Variants in HYDIN observed in about 807,000 individuals in gnomAD.
HYDIN encodes axonemal central pair apparatus protein HYDIN.
A neutral mutation model predicts 403.9 loss-of-function variants in HYDIN; 132 were observed. The observed-to-expected ratio is 0.33, with a 90% CI of 0.28 to 0.38. The LOEUF (loss-of-function observed/expected upper bound fraction) is 0.38, where lower values mean the gene tolerates loss of function less well. Ranked by LOEUF, HYDIN falls within the 10% of genes least tolerant of loss-of-function variation. The probability of loss-of-function intolerance (pLI) is 1.00; values close to 1 mark genes in which losing one functional copy is unlikely to be tolerated. For missense variants in HYDIN, 2,827 were observed against 5,009.5 expected (o/e 0.56, Z 13.15); for synonymous variants, 1,202 against 1,891.7 (o/e 0.64, Z 9.46).
intron 18 of HYDIN, among the ~76,000 whole-genome samples, chr16:71,060,277 C>T (rs1273901923): frequency 6.6e-6 from 1 of 152,096 alleles, no homozygotes; most frequent in African/African-American, 2.4e-5. Flanking sequence ...TAATAGACAT[C>T]CCTTGAGCTA....
intron 6 of HYDIN, among the ~76,000 whole-genome samples, chr16:71,161,666 A>C (rs2086006730): frequency 6.6e-6 from 1 of 151,980 alleles, no homozygotes; most frequent in Non-Finnish European, 1.5e-5. Context: ...TGTTGGTTAC[A>C]CTGGGCTCAT....
At position 71,118,030 on chromosome 16, in the gene HYDIN, G is replaced by A. The variant is rs548749432; in HGVS notation, c.1228-2235C>T. On this transcript the variant is annotated intron_variant, in intron 9 of 85. Coordinates refer to ENST00000393567, the MANE Select transcript of HYDIN (RefSeq NM_001270974.2). Reference sequence around the variant, plus strand: ...CCTTATGCTGTCACCTCAAAAGTTAGAAACGTGGTGCCTCCACCAAGGAAG... The same window carrying A: ...CCTTATGCTGTCACCTCAAAAGTTAAAAACGTGGTGCCTCCACCAAGGAAG... Among the ~76,000 whole-genome samples the A allele has an allele frequency of 4.5e-4, 69 of 152,176 alleles. No homozygotes were observed. In the South Asian group the frequency reaches 5.6e-3, roughly 12 times the overall value.
intron 10 of HYDIN, among the ~76,000 whole-genome samples, chr16:71,110,544 A>T (rs1406760356): frequency 1.4e-5 from 2 of 146,878 alleles, no homozygotes; most frequent in East Asian, 3.9e-4. Context: ...GCAAAACTAT[A>T]CTATTTTGCT....
chr16:70,860,654 T>C, intron 70 of HYDIN, 35 bp downstream of exon 70: 1 of 508,708 alleles, frequency 2.0e-6, no homozygotes, highest in South Asian at 2.2e-5. Context: ...TTAGGACCGA[T>C]GTGAATTCAA....
At chr16:70,920,563 C>T (rs1324682426) in intron 46 of HYDIN, 28 bp downstream of exon 46, 1 of 1,558,902 alleles carries the variant, frequency 6.4e-7, no homozygotes, top group East Asian at 2.3e-5. Context: ...TGACTTGAGA[C>T]TTCCCCACCC....
At chr16:70,855,944 T>C (rs1402463803) in intron 72 of HYDIN, among the ~76,000 whole-genome samples, 4 of 152,302 alleles carry the variant, frequency 2.6e-5, no homozygotes, top group African/African-American at 9.6e-5. Flanking sequence ...TTATGCATCC[T>C]GTATTTTATC....
At chr16:71,078,227 A>T (rs376452061) in intron 13 of HYDIN, among the ~76,000 whole-genome samples, 1 of 149,166 alleles carries the variant, frequency 6.7e-6, no homozygotes, top group Admixed American at 6.7e-5. Context: ...TTTCTTCACC[A>T]TTTGGTAGAA....
At chr16:70,953,004 T>C (rs783742) in intron 40 of HYDIN, among the ~76,000 whole-genome samples, 2 of 151,954 alleles carry the variant, frequency 1.3e-5, no homozygotes, top group East Asian at 3.9e-4. Context: ...CAGTGGCTAC[T>C]GTATGGCACA....
At chr16:71,110,476 A>AATATATATAATATATATATTTC (rs1555645335) in intron 10 of HYDIN, among the ~76,000 whole-genome samples, 35 of 141,970 alleles carry the variant, frequency 2.5e-4, no homozygotes, top group Non-Finnish European at 4.9e-4. Context: ...AACATATATA[A>AATATATATAATATATATATTTC]ATATATATAA....
chr16:71,183,290 A>G (rs187910687), intron 3 of HYDIN, among the ~76,000 whole-genome samples: 2 of 152,128 alleles, frequency 1.3e-5, no homozygotes, highest in African/African-American at 2.4e-5. Context: ...TGACAATGCA[A>G]TGGAAATGAA....
intron 62 of HYDIN, among the ~76,000 whole-genome samples, chr16:70,877,778 C>A (rs1473336096): frequency 6.6e-6 from 1 of 151,972 alleles, no homozygotes; most frequent in East Asian, 1.9e-4. Context: ...GTTGGGGACC[C>A]CTCTCTTAAA....
At chr16:70,927,886 G>A (rs2077200994) in intron 45 of HYDIN, among the ~76,000 whole-genome samples, 1 of 151,850 alleles carries the variant, frequency 6.6e-6, no homozygotes, top group South Asian at 2.1e-4. Context: ...GAAACATCAA[G>A]GTGAAGTAAA....
At chr16:71,081,039 T>G (rs1440804591) in intron 12 of HYDIN, 1 of 151,390 alleles carries the variant, frequency 6.6e-6, no homozygotes, top group African/African-American at 2.4e-5. Flanking sequence ...CTGCCAACAC[T>G]GATTTTAGCC....
At chr16:71,052,709 G>C (rs977466280) in intron 18 of HYDIN, among the ~76,000 whole-genome samples, 5 of 46,208 alleles carry the variant, frequency 1.1e-4, no homozygotes, top group Non-Finnish European at 1.9e-4. Context: ...AACTTAGCAG[G>C]GTGTGGTGGC....
At chr16:71,167,108 A>C (rs1487465274) in intron 5 of HYDIN, among the ~76,000 whole-genome samples, 1 of 151,238 alleles carries the variant, frequency 6.6e-6, no homozygotes, top group Non-Finnish European at 1.5e-5. Flanking sequence ...AAATAAAAAT[A>C]AAATTTTAAA....
intron 1 of HYDIN, among the ~76,000 whole-genome samples, chr16:71,219,592 A>G (rs768070227): frequency 1.3e-5 from 2 of 152,204 alleles, no homozygotes; most frequent in Non-Finnish European, 2.9e-5. Context: ...ACAATTTTTA[A>G]AAGTCCACTT....
At chr16:70,836,633 C>G (rs1006379834) in intron 77 of HYDIN, among the ~76,000 whole-genome samples, 2 of 152,238 alleles carry the variant, frequency 1.3e-5, no homozygotes, top group African/African-American at 4.8e-5. Flanking sequence ...CAAAATGGCA[C>G]TGACCCACAA....
intron 39 of HYDIN, among the ~76,000 whole-genome samples, chr16:70,958,541 T>G (rs1235916021): frequency 6.6e-6 from 1 of 151,904 alleles, no homozygotes; most frequent in Non-Finnish European, 1.5e-5. Context: ...TAAAATGGCC[T>G]GAGCCTCTGC....
chr16:70,841,305 G>A (rs1036111894), intron 75 of HYDIN, among the ~76,000 whole-genome samples: 1 of 152,060 alleles, frequency 6.6e-6, no homozygotes, highest in African/African-American at 2.4e-5. Context: ...GCCAACCAGA[G>A]TAGAAAGATC....
Sources: gnomAD v4.1 joint callset for allele counts (sites outside exome capture counted in the v4.1 genomes callset) on GRCh38, gnomAD v4.1.1 for gene constraint, MANE v1.5 for transcripts, NCBI Gene and HGNC (gene_info 2026-07-23, HGNC 2026-07-21) for gene names.